The following PIK3IP1 variants were observed in gnomAD, a reference collection of about 807,000 sequenced individuals.
The protein encoded by PIK3IP1 is phosphoinositide-3-kinase interacting protein 1.
Under a neutral mutation model 30.7 loss-of-function variants are expected in PIK3IP1, and 28 were observed. The ratio of observed to expected loss-of-function variants is 0.91; its 90% CI spans 0.68 to 1.25. The LOEUF is 1.25. PIK3IP1 is among the 50% of genes most tolerant of loss of function. The pLI is 0.00. For missense variants in PIK3IP1, 333 were observed against 346.2 expected (o/e 0.96, Z 0.30); for synonymous variants, 159 against 140.8 (o/e 1.13, Z -0.91).
At chr22:31,283,329 C>T (rs747073621) in intron 5 of PIK3IP1, 41 bp from the exon 6 acceptor site, 2 of 1,587,928 alleles carry the variant, frequency 1.3e-6, no homozygotes, top group East Asian at 4.5e-5. Context: ...GCTATGCCTC[C>T]TGCATAGCTT....
chr22:31,290,953 C>A lies in PIK3IP1; in HGVS notation c.307+12G>T, dbSNP rs775514709. The A allele has an allele frequency of 3.2e-6, 5 of 1,565,284 alleles. No individual in the cohort carries two copies. Among genetic ancestry groups the A allele is most frequent in the Non-Finnish European group, 4.3e-6 (5 of 1,160,032 alleles). On this transcript the variant is annotated intron_variant, in intron 3 of 5. Coordinates refer to ENST00000215912, the MANE Select transcript of PIK3IP1 (RefSeq NM_052880.5). ...GCCAGGAGCGGGGATTCCCGGGGTC[C>A]CGGGCAGGTACCTGGACAGCGCAGG...
rs757854540 is a variant in PIK3IP1 at position 31,289,297 on chromosome 22, A to G, written c.587+18T>C. ...TCCTCCCCTCCTCCTAAGAGGGCCC[A>G]GAAGAGAAGCTACTGACCTCTTGTA... On this transcript the variant is annotated intron_variant, in intron 5 of 5. Coordinates refer to ENST00000215912, the MANE Select transcript of PIK3IP1 (RefSeq NM_052880.5). 3 of 1,613,560 alleles carry G rather than the reference A, an allele frequency of 1.9e-6. No homozygotes were observed. In the South Asian group the frequency reaches 3.3e-5, roughly 18 times the overall value.
rs767119965 is a variant in PIK3IP1 at position 31,292,295 on chromosome 22, G to T, written c.50C>A (p.Ala17Glu). 1 of 1,614,142 alleles carries T rather than the reference G, an allele frequency of 6.2e-7. No individual in the cohort carries two copies. Among genetic ancestry groups the T allele is most frequent in the Non-Finnish European group, 8.5e-7 (1 of 1,179,988 alleles). Residue 17 changes from alanine to glutamate, a missense_variant, in exon 1 of 6, where the codon GCA (alanine) becomes GAA (glutamate). Ala to Glu is a moderately radical substitution (Grantham distance 107, BLOSUM62 -1). Around this residue, in one of 3 missense-constraint regions of PIK3IP1, gnomAD observed 111 missense variants for 100.1 expected, o/e 1.11. Coordinates refer to ENST00000215912, the MANE Select transcript of PIK3IP1 (RefSeq NM_052880.5). ...QAFLVSNMLL[A>E]EAYGSGGCFW... ...CTCACCTCCAGATCCATAGGCTTCT[G>T]CTAGGAGCATGTTGCTGACGAGGAA...
chr22:31,286,156 T>A (rs943490453), intron 5 of PIK3IP1, among the ~76,000 whole-genome samples: 202 of 151,532 alleles, frequency 1.3e-3, no homozygotes, highest in Non-Finnish European at 1.2e-3. Context: ...AAAAAAAAAA[T>A]TAAGAAAAAA....
chr22:31,283,787 A>G lies in PIK3IP1; in HGVS notation c.588-499T>C, dbSNP rs571112110. Among the ~76,000 whole-genome samples, 3 of 152,226 alleles carry G rather than the reference A, an allele frequency of 2.0e-5. No homozygotes were observed. In the South Asian group the frequency reaches 6.2e-4, roughly 32 times the overall value. ...TTCAGCCCCAGAGACCCAGAGAACT[A>G]TCTGAACTTCGGACCTAACCCATAA... On this transcript the variant is annotated intron_variant, in intron 5 of 5. Transcript: ENST00000215912.
Position 31,283,248 on chromosome 22 carries a change from C to G in PIK3IP1, c.628G>C (p.Glu210Gln), listed in dbSNP as rs1434309254. 6.2e-7 allele frequency: 1 copy of G among 1,614,228 alleles called. No homozygotes were observed. The highest frequency in any genetic ancestry group is 8.5e-7 in the Non-Finnish European group (1 of 1,180,038). ...LKEQHDQKVCEREMQRITLPL... is the reference protein window; with the variant it reads ...LKEQHDQKVCQREMQRITLPL... ...AGAGTGATTCGCTGCATCTCCCTCT[C>G]ACATACTTTCTGATCATGCTGTTCT... The change falls in exon 6 of 6, where the codon GAG becomes CAG. Residue 210 changes from glutamate (E) to glutamine (Q), a missense_variant. Glu to Gln is a conservative substitution (Grantham distance 29). Around this residue, in one of 3 missense-constraint regions of PIK3IP1, gnomAD observed 217 missense variants for 227.7 expected, o/e 0.95. Transcript: ENST00000215912.
In PIK3IP1 at chr22:31,289,402, G is replaced by T. The variant is rs893367581; in HGVS notation, c.509-9C>A. The T allele has an allele frequency of 3.1e-6, 5 of 1,600,848 alleles. No homozygotes were observed. Among genetic ancestry groups the T allele is most frequent in the Non-Finnish European group, 4.3e-6 (5 of 1,173,682 alleles). On this transcript the variant is annotated splice_polypyrimidine_tract_variant and intron_variant, in intron 4 of 5. Transcript: ENST00000215912. ...AATGCCCAGCACGTAGCCTGCCAAG[G>T]ATAGGACACAAGGTCCCATTAGCCA...
Position 31,289,569 on chromosome 22 carries a change from C to T in PIK3IP1, c.438G>A (p.Val146=), listed in dbSNP as rs765432241. The part of the protein sequence containing the change: ...ALPARSEAAA[V]QPVIGISQRV... ...GCTGGCTGATCCCAATCACTGGCTG[C>T]ACAGCTGCCGCCTCACTCCGAGCGG... Residue 146 remains valine (V), a synonymous_variant, in exon 4 of 6, where the codon GTG becomes GTA. Transcript: ENST00000215912. 3.0e-5 allele frequency: 46 copies of T among 1,558,978 alleles called. No homozygotes were observed. In the South Asian group the frequency reaches 3.8e-4, roughly 13 times the overall value.
At chr22:31,291,114 G>A in intron 2 of PIK3IP1, 30 bp from the exon 3 acceptor site, 1 of 1,543,654 alleles carries the variant, frequency 6.5e-7, no homozygotes, top group South Asian at 1.2e-5. Flanking sequence ...AATGTGTGCC[G>A]GGGCTGGCAC....
intron 5 of PIK3IP1, among the ~76,000 whole-genome samples, chr22:31,284,461 C>G (rs1290227008): frequency 6.6e-6 from 1 of 152,204 alleles, no homozygotes; most frequent in East Asian, 1.9e-4. Context: ...CCTGGAAGCA[C>G]ACTCAATCCC....
intron 5 of PIK3IP1, 78 bp downstream of exon 5, chr22:31,289,237 G>T: frequency 7.0e-7 from 1 of 1,429,862 alleles, no homozygotes. Context: ...CTTCCTTTTG[G>T]GTAAGAAAGC....
chr22:31,289,348 C>T lies in PIK3IP1; in HGVS notation c.554G>A (p.Gly185Glu), dbSNP rs1415022641. Residue 185 changes from glycine (G) to glutamate (E), a missense_variant, in exon 5 of 6, where the codon GGA becomes GAA. This residue lies in a region of PIK3IP1 where 217 missense variants were observed against 227.7 expected (regional missense o/e 0.95). Transcript: ENST00000215912. ...ITMMVIIIAI[G>E]AGIILGYSYK... The stretch of plus-strand genomic sequence containing the variant: ...GGAGTAGCCCAAGATGATGCCAGCT[C>T]CGATGGCAATGATGATCACCATCAT... 6.2e-7 allele frequency: 1 copy of T among 1,613,836 alleles called. No individual in the cohort carries two copies. The highest frequency in any genetic ancestry group is 1.7e-5 in the Admixed American group (1 of 59,938).
Position 31,283,234 on chromosome 22 carries a change from C to G in PIK3IP1, c.642G>C (p.Gln214His). 6.2e-7 allele frequency: 1 copy of G among 1,614,236 alleles called. No homozygotes were observed. Among genetic ancestry groups the G allele is most frequent in the Non-Finnish European group, 8.5e-7 (1 of 1,180,042 alleles). The change falls in exon 6 of 6, where the codon CAG becomes CAC. Residue 214 changes from glutamine to histidine, a missense_variant. By Grantham distance (24) the Gln-to-His change is conservative. Coordinates refer to ENST00000215912, the MANE Select transcript of PIK3IP1 (RefSeq NM_052880.5). ...AGGCAGACAAGGGCAGAGTGATTCG[C>G]TGCATCTCCCTCTCACATACTTTCT... ...HDQKVCEREMQRITLPLSAFT... is the reference protein window; with the variant it reads ...HDQKVCEREMHRITLPLSAFT...
At chr22:31,290,877 CAT>C in intron 3 of PIK3IP1, 86 bp downstream of exon 3, 16 of 1,437,146 alleles carry the variant, frequency 1.1e-5, no homozygotes, top group Non-Finnish European at 1.4e-5. Flanking sequence ...GGCCGGCCGG[CAT>C]CGCGCGGCCG....
rs971774858 is a variant in PIK3IP1, at chr22:31,289,097, C to T, written c.587+218G>A. On this transcript the variant is annotated intron_variant, in intron 5 of 5. Coordinates refer to ENST00000215912, the MANE Select transcript of PIK3IP1 (RefSeq NM_052880.5). Reference sequence around the variant, plus strand: ...CAGAGGCTTCTTCATTTGTAAAATGCGGAACAAGAACATCCCTCACAAGGC... The same window carrying T: ...CAGAGGCTTCTTCATTTGTAAAATGTGGAACAAGAACATCCCTCACAAGGC... 49 of 592,504 alleles carry T rather than the reference C, an allele frequency of 8.3e-5. No homozygotes were observed. In the South Asian group the frequency reaches 9.7e-4, roughly 12 times the overall value. 36.7% of individuals were successfully genotyped at this position (592,504 alleles called of 1,614,324 possible). A position where few individuals can be genotyped will look rare whatever the true frequency, so the allele number is the denominator to read the frequency against.
intron 5 of PIK3IP1, among the ~76,000 whole-genome samples, chr22:31,284,710 T>C (rs986718808): frequency 2.6e-5 from 4 of 152,296 alleles, no homozygotes; most frequent in Middle Eastern, 3.4e-3. Context: ...TGGTGTTGAC[T>C]TACAGTTTTT....
intron 1 of PIK3IP1, among the ~76,000 whole-genome samples, 173 bp from the exon 2 acceptor site, chr22:31,291,469 ACC>A (rs10558009): frequency 0.17 from 17,728 of 104,818 alleles, 1,438 homozygotes; most frequent in East Asian, 0.43. Flanking sequence ...CGCCCCACGC[ACC>A]CCCCCCCCCC....
intron 3 of PIK3IP1, chr22:31,290,715 A>C: frequency 2.1e-6 from 1 of 476,664 alleles, no homozygotes; most frequent in Non-Finnish European, 3.6e-6. Context: ...CGCGGCGGAG[A>C]GACCTAGCCT....
At chr22:31,290,911 A>G (rs1008519388) in intron 3 of PIK3IP1, 54 bp downstream of exon 3, 2 of 1,517,056 alleles carry the variant, frequency 1.3e-6, no homozygotes, top group Non-Finnish European at 1.8e-6. Flanking sequence ...CGAGTGTCTC[A>G]GCCGCTTCCT....
Sources: gnomAD v4.1 joint callset for allele counts (sites outside exome capture counted in the v4.1 genomes callset) on GRCh38, gnomAD v4.1.1 for gene constraint, gnomAD v4.1.1 regional missense constraint, MANE v1.5 for transcripts, NCBI Gene and HGNC (gene_info 2026-07-23, HGNC 2026-07-21) for gene names.